The following SLC9C2 variants were observed in gnomAD, a reference collection of about 807,000 sequenced individuals.
SLC9C2 encodes the protein solute carrier family 9 member C2 (putative), also known as sodium/hydrogen exchanger 11.
Under a neutral mutation model 140.2 loss-of-function variants are expected in SLC9C2, and 75 were observed. That is an observed-to-expected ratio of 0.53 (90% CI 0.44 to 0.65). The LOEUF is 0.65. SLC9C2 is among the 30% of genes least tolerant of loss of function. SLC9C2 has a pLI of 0.00. For synonymous variants in SLC9C2, 375 were observed against 420.9 expected, an observed-to-expected ratio of 0.89 and a Z score of 1.34; for missense variants, 1,074 against 1,331.8, an observed-to-expected ratio of 0.81 and a Z score of 3.01.
chr1:173,544,903 C>G (rs1475980632), intron 13 of SLC9C2, among the ~76,000 whole-genome samples: 3 of 151,976 alleles, frequency 2.0e-5, no homozygotes, highest in African/African-American at 7.3e-5. Context: ...AAATACCTAA[C>G]GTAAATGATG....
chr1:173,503,265 C>T lies in SLC9C2; in HGVS notation c.3371+1G>A. On this transcript the variant is annotated splice_donor_variant, in intron 27 of 27. Transcript: ENST00000367714. LOFTEE classifies it high-confidence loss of function. Reference sequence around the variant, plus strand: ...TCTAATCAAAGTGTCAAGTTTATTACCTCATCTTTTGTCTTCCATTTATAT... The same window carrying T: ...TCTAATCAAAGTGTCAAGTTTATTATCTCATCTTTTGTCTTCCATTTATAT... 6.2e-7 allele frequency: 1 copy of T among 1,612,132 alleles called. No individual in the cohort carries two copies. The highest frequency in any genetic ancestry group is 1.1e-5 in the South Asian group (1 of 90,880).
At chr1:173,536,904 A>G in intron 14 of SLC9C2, 38 bp downstream of exon 14, 1 of 1,399,512 alleles carries the variant, frequency 7.1e-7, no homozygotes, top group South Asian at 1.2e-5. Flanking sequence ...ATAGTCATTC[A>G]ATTTTGGAAA....
In SLC9C2 at chr1:173,582,016, A is replaced by T. The variant is rs976396686; in HGVS notation, c.641-8T>A. The T allele has an allele frequency of 1.5e-5, 23 of 1,497,486 alleles. No individual in the cohort carries two copies. The highest frequency in any genetic ancestry group is 2.8e-5 in the African/African-American group (2 of 70,670). The allele number at this position is 1,497,486 out of a possible 1,614,324, so 92.8% of individuals were successfully genotyped here. On this transcript the variant is annotated splice_region_variant and splice_polypyrimidine_tract_variant and intron_variant, in intron 6 of 27. Transcript: ENST00000367714. Reference sequence around the variant, plus strand: ...CAATGCCTACATGTAAATCTAAAAAAAAGAAAGAAAAAATAAGAAATAAAA... The same window carrying T: ...CAATGCCTACATGTAAATCTAAAAATAAGAAAGAAAAAATAAGAAATAAAA...
intron 20 of SLC9C2, 152 bp downstream of exon 20, chr1:173,524,627 C>T: frequency 1.3e-6 from 1 of 774,146 alleles, no homozygotes; most frequent in East Asian, 2.6e-5. Flanking sequence ...ATTGCATCGG[C>T]ATTCGTTGTC....
At chr1:173,515,860 G>A (rs1660380355) in intron 23 of SLC9C2, among the ~76,000 whole-genome samples, 1 of 152,150 alleles carries the variant, frequency 6.6e-6, no homozygotes, top group Admixed American at 6.5e-5. Context: ...GGACTTTTTT[G>A]TTGTTGTTGA....
At chr1:173,543,404 A>T (rs1029403945) in intron 13 of SLC9C2, among the ~76,000 whole-genome samples, 1 of 152,262 alleles carries the variant, frequency 6.6e-6, no homozygotes, top group Non-Finnish European at 1.5e-5. Context: ...AGGAGGAATC[A>T]ATATCGTGAA....
rs761030738 is a variant in SLC9C2, at chr1:173,517,608, T to C, written c.2836A>G (p.Ile946Val). The C allele has an allele frequency of 1.9e-6, 3 of 1,613,890 alleles. No individual in the cohort carries two copies. Among genetic ancestry groups the C allele is most frequent in the East Asian group, 2.2e-5 (1 of 44,874 alleles). Residue 946 changes from isoleucine (I) to valine (V), a missense_variant, in exon 23 of 28, where the codon ATA (isoleucine) becomes GTA (valine). Coordinates refer to ENST00000367714, the MANE Select transcript of SLC9C2 (RefSeq NM_178527.4). ...MFTEFCTTGD[I>V]IGELSCLLKR... ...AGCAGACAGCTTAGCTCTCCAATTA[T>C]GTCCCCAGTAGTACAGAACTCTGTA...
At chr1:173,558,273 T>C (rs1183436319) in intron 9 of SLC9C2, among the ~76,000 whole-genome samples, 1 of 152,224 alleles carries the variant, frequency 6.6e-6, no homozygotes, top group East Asian at 1.9e-4. Context: ...CCACCTATAA[T>C]GTATATAATT....
chr1:173,563,110 G>A (rs1664225519), intron 9 of SLC9C2, among the ~76,000 whole-genome samples: 1 of 151,698 alleles, frequency 6.6e-6, no homozygotes, highest in Admixed American at 6.6e-5. Context: ...AGGGCAGCCA[G>A]AGGATAGCCT....
intron 3 of SLC9C2, among the ~76,000 whole-genome samples, 171 bp downstream of exon 3, chr1:173,599,943 ATTG>A (rs1304090734): frequency 5.9e-5 from 9 of 152,044 alleles, no homozygotes; most frequent in African/African-American, 2.2e-4. Flanking sequence ...AGTTTCCCTA[ATTG>A]ATGTGTCCTT....
chr1:173,511,318 C>T (rs1174988404), intron 23 of SLC9C2, among the ~76,000 whole-genome samples: 1 of 152,032 alleles, frequency 6.6e-6, no homozygotes, highest in Admixed American at 6.6e-5. Flanking sequence ...GCATGAGCCA[C>T]CGTGCCTGGC....
Position 173,548,675 on chromosome 1 carries a change from G to A in SLC9C2, c.1298-123C>T, listed in dbSNP as rs530966846. On this transcript the variant is annotated intron_variant, in intron 11 of 27. Coordinates refer to ENST00000367714, the MANE Select transcript of SLC9C2 (RefSeq NM_178527.4). ...TCACCTGCAAACCAGAGTGGTTAGA[G>A]CAAGGACAATTTTTCATACAAAACT... 3.9e-5 allele frequency: 40 copies of A among 1,013,398 alleles called. No individual in the cohort carries two copies. The Middle Eastern group carries it at 8.5e-4, about 22-fold the overall frequency. The allele number at this position is 1,013,398 out of a possible 1,614,324, so 62.8% of individuals were successfully genotyped here.
chr1:173,540,824 T>C (rs1359197386), intron 13 of SLC9C2, among the ~76,000 whole-genome samples: 1 of 152,182 alleles, frequency 6.6e-6, no homozygotes, highest in Non-Finnish European at 1.5e-5. Flanking sequence ...AGCCATGGTT[T>C]GCCAGGTTGG....
At position 173,500,990 on chromosome 1, in the gene SLC9C2, A is replaced by G; in HGVS notation, c.*104T>C. The G allele has an allele frequency of 7.7e-7, 1 of 1,290,610 alleles. No individual in the cohort carries two copies. The allele number at this position is 1,290,610 out of a possible 1,614,324, so 79.9% of individuals were successfully genotyped here. A position where few individuals can be genotyped will look rare whatever the true frequency, so the allele number is the denominator to read the frequency against. ...TAGCTTCTAAGTAAACTCCTTGCAGATAATCCTTTAGTATTTGAGCGAGGA... is the reference window on the plus strand; with the variant it reads ...TAGCTTCTAAGTAAACTCCTTGCAGGTAATCCTTTAGTATTTGAGCGAGGA... On this transcript the variant is annotated 3_prime_UTR_variant, in exon 28 of 28. Transcript: ENST00000367714.
chr1:173,561,892 A>G (rs1664144867), intron 9 of SLC9C2, among the ~76,000 whole-genome samples: 1 of 147,734 alleles, frequency 6.8e-6, no homozygotes, highest in South Asian at 2.2e-4. Context: ...CACACCCCCA[A>G]CTGTAACTAA....
intron 20 of SLC9C2, among the ~76,000 whole-genome samples, chr1:173,524,448 G>A (rs902989417): frequency 3.9e-5 from 6 of 152,140 alleles, no homozygotes; most frequent in African/African-American, 1.2e-4. Context: ...TTTCTACATC[G>A]CTGTTCAAAT....
intron 27 of SLC9C2, 94 bp from the exon 28 acceptor site, chr1:173,501,191 A>G: frequency 1.6e-6 from 2 of 1,276,968 alleles, no homozygotes; most frequent in Non-Finnish European, 1.0e-6. Context: ...TTATGTAGGC[A>G]TTTCTATTTT....
chr1:173,535,824 AC>A lies in SLC9C2; in HGVS notation c.1775+5del. The stretch of plus-strand genomic sequence containing the variant: ...TATGTTTCTATTAAAGGTTCACAAT[AC>A]TTACTCAGGTGGAATAAAATGTATC... On this transcript the variant is annotated splice_donor_5th_base_variant and intron_variant, in intron 15 of 27. Transcript: ENST00000367714. 1 of 1,498,238 alleles carries A rather than the reference AC, an allele frequency of 6.7e-7. No individual in the cohort carries two copies. The highest frequency in any genetic ancestry group is 9.0e-7 in the Non-Finnish European group (1 of 1,112,114). The allele number at this position is 1,498,238 out of a possible 1,614,324, so 92.8% of individuals were successfully genotyped here.
chr1:173,502,070 G>A lies in SLC9C2; in HGVS notation c.3372-973C>T, dbSNP rs147822550. ...AGGCAGATCATAAGGTCAGGAGATC[G>A]AGACCATCCTGGCTAACATGGTGAA... On this transcript the variant is annotated intron_variant, in intron 27 of 27. Transcript: ENST00000367714. Among the ~76,000 whole-genome samples the A allele has an allele frequency of 2.7e-3, 405 of 151,928 alleles. 3 individuals are homozygous for A. Among genetic ancestry groups the A allele is most frequent in the African/African-American group, 9.3e-3 (385 of 41,434 alleles).
Sources: allele counts gnomAD v4.1 joint callset (sites outside exome capture counted in the v4.1 genomes callset), GRCh38; gene constraint gnomAD v4.1.1; transcripts MANE v1.5; gene names NCBI Gene and HGNC (gene_info 2026-07-23, HGNC 2026-07-21).